Variants in FOXP2 observed in about 807,000 individuals in gnomAD.
FOXP2 encodes the protein forkhead box protein P2.
FOXP2 carries 12 observed loss-of-function variants against 115.8 expected under a neutral mutation model. That is an observed-to-expected ratio of 0.10 (90% CI 0.07 to 0.17). FOXP2 has a LOEUF of 0.17. Ranked by LOEUF, FOXP2 falls within the 10% of genes least tolerant of loss-of-function variation. The pLI, the probability that FOXP2 is intolerant of heterozygous loss-of-function variation, is 1.00. For synonymous variants in FOXP2, 328 were observed against 297.7 expected, an observed-to-expected ratio of 1.10 and a Z score of -1.05; for missense variants, 629 against 843.5, an observed-to-expected ratio of 0.75 and a Z score of 3.15.
chr7:114,231,503 G>A (rs1296947036), intron 1 of FOXP2, among the ~76,000 whole-genome samples: 1 of 152,112 alleles, frequency 6.6e-6, no homozygotes, highest in Admixed American at 6.5e-5. Flanking sequence ...AATCAAAACA[G>A]TATGGTACTG....
At chr7:114,325,058 T>TACAAGTTA (rs2129181978) in intron 2 of FOXP2, among the ~76,000 whole-genome samples, 1 of 152,044 alleles carries the variant, frequency 6.6e-6, no homozygotes, top group South Asian at 2.1e-4. Context: ...CAAGTAGATT[T>TACAAGTTA]ATGTTCTTAC....
intron 1 of FOXP2, among the ~76,000 whole-genome samples, chr7:114,191,872 A>G (rs1171081431): frequency 6.6e-6 from 1 of 152,146 alleles, no homozygotes; most frequent in African/African-American, 2.4e-5. Flanking sequence ...CCATTACAGT[A>G]TCATACAGAG....
chr7:114,657,162 A>G (rs775537047), intron 10 of FOXP2, among the ~76,000 whole-genome samples: 1 of 152,310 alleles, frequency 6.6e-6, no homozygotes, highest in Non-Finnish European at 1.5e-5. Flanking sequence ...TTATGACAAA[A>G]GATGTGTGGT....
intron 3 of FOXP2, among the ~76,000 whole-genome samples, chr7:114,558,784 T>TA (rs1487442485): frequency 1.3e-5 from 2 of 152,186 alleles, no homozygotes; most frequent in Non-Finnish European, 2.9e-5. Flanking sequence ...TGTCATAGTA[T>TA]AATACTTAAT....
At chr7:114,650,096 T>C (rs986109357) in intron 8 of FOXP2, among the ~76,000 whole-genome samples, 14 of 152,120 alleles carry the variant, frequency 9.2e-5, no homozygotes, top group Admixed American at 2.6e-4. Flanking sequence ...TAGTCTACAG[T>C]CTCTATTCTA....
At chr7:114,124,507 T>G (rs1406891572) in intron 1 of FOXP2, among the ~76,000 whole-genome samples, 1 of 152,108 alleles carries the variant, frequency 6.6e-6, no homozygotes, top group Admixed American at 6.6e-5. Context: ...CCAATGGTGC[T>G]CACAAAAGAC....
intron 1 of FOXP2, among the ~76,000 whole-genome samples, chr7:114,109,736 G>A (rs900638741): frequency 9.9e-5 from 15 of 151,956 alleles, no homozygotes. Context: ...CTAAAAGATT[G>A]TATTTTTAAC....
intron 1 of FOXP2, among the ~76,000 whole-genome samples, chr7:114,250,155 A>G (rs1461371233): frequency 6.6e-6 from 1 of 152,042 alleles, no homozygotes; most frequent in Admixed American, 6.6e-5. Context: ...ATAGTATTCC[A>G]TGGTGTATAT....
intron 3 of FOXP2, among the ~76,000 whole-genome samples, chr7:114,627,004 A>G (rs1265629505): frequency 2.0e-5 from 3 of 151,922 alleles, no homozygotes; most frequent in African/African-American, 7.2e-5. Context: ...AAGTTACTCA[A>G]TTTGATCTAA....
intron 2 of FOXP2, among the ~76,000 whole-genome samples, chr7:114,326,255 G>T (rs1797555105): frequency 1.3e-5 from 2 of 151,996 alleles, no homozygotes; most frequent in Admixed American, 1.3e-4. Flanking sequence ...GTACTCTTCA[G>T]CAAGAACATA....
At chr7:114,657,742 C>T (rs894029702) in intron 10 of FOXP2, among the ~76,000 whole-genome samples, 4 of 152,144 alleles carry the variant, frequency 2.6e-5, no homozygotes, top group Admixed American at 1.3e-4. Flanking sequence ...GGGGGCTAGA[C>T]CTGTTTAACA....
At chr7:114,232,597 T>C (rs1176483627) in intron 1 of FOXP2, among the ~76,000 whole-genome samples, 1 of 152,058 alleles carries the variant, frequency 6.6e-6, no homozygotes, top group Non-Finnish European at 1.5e-5. Context: ...GCGGATCACC[T>C]GAGGTCAGGA....
At chr7:114,142,873 G>T (rs1792260599) in intron 1 of FOXP2, among the ~76,000 whole-genome samples, 1 of 151,970 alleles carries the variant, frequency 6.6e-6, no homozygotes, top group African/African-American at 2.4e-5. Flanking sequence ...TCTGACCACG[G>T]ATGGTGGCTC....
chr7:114,315,610 G>GCACACA (rs144465419), intron 2 of FOXP2, among the ~76,000 whole-genome samples: 122 of 146,078 alleles, frequency 8.4e-4, no homozygotes, highest in African/African-American at 2.8e-3. Context: ...CACTATACAT[G>GCACACA]CACACACACA....
intron 1 of FOXP2, among the ~76,000 whole-genome samples, chr7:114,199,512 A>G (rs528465718): frequency 6.6e-6 from 1 of 152,348 alleles, no homozygotes; most frequent in South Asian, 2.1e-4. Context: ...TTAGAAAGGG[A>G]GCAGAGCTAA....
intron 1 of FOXP2, among the ~76,000 whole-genome samples, chr7:114,136,643 T>C (rs971505245): frequency 1.3e-5 from 2 of 151,504 alleles, no homozygotes; most frequent in Non-Finnish European, 2.9e-5. Context: ...CTTTGAAGAA[T>C]TGTAAGGCCA....
rs141698577 is a variant in FOXP2, at chr7:114,634,158, G to A, written c.775+2453G>A. Reference sequence around the variant, plus strand: ...TTACAGGTGCCCACCACCACGCCTGGCTAATTTTCATATTATTAGTAGAGA... The same window carrying A: ...TTACAGGTGCCCACCACCACGCCTGACTAATTTTCATATTATTAGTAGAGA... On this transcript the variant is annotated intron_variant, in intron 6 of 16. Transcript: ENST00000350908. Among the ~76,000 whole-genome samples the A allele has an allele frequency of 3.0e-3, 455 of 152,066 alleles. 1 individual carries two copies. The highest frequency in any genetic ancestry group is 4.8e-3 in the Admixed American group (74 of 15,264).
intron 1 of FOXP2, among the ~76,000 whole-genome samples, chr7:114,112,523 C>T (rs1473558046): frequency 6.6e-6 from 1 of 151,862 alleles, no homozygotes; most frequent in Non-Finnish European, 1.5e-5. Context: ...GGTCTCAAGC[C>T]CCTGAGCTCA....
At chr7:114,612,336 C>T (rs1803674194) in intron 3 of FOXP2, among the ~76,000 whole-genome samples, 1 of 151,898 alleles carries the variant, frequency 6.6e-6, no homozygotes, top group South Asian at 2.1e-4. Context: ...TGTCACCCTT[C>T]ATATATTCCA....
Sources: allele counts gnomAD v4.1 joint callset (sites outside exome capture counted in the v4.1 genomes callset), GRCh38; gene constraint gnomAD v4.1.1; transcripts MANE v1.5; gene names NCBI Gene and HGNC (gene_info 2026-07-23, HGNC 2026-07-21).